The following RPF2 variants were observed in gnomAD, a reference collection of about 807,000 sequenced individuals.
RPF2 encodes the protein brix domain containing 1.
RPF2 carries 21 observed loss-of-function variants against 38.9 expected under a neutral mutation model. The observed-to-expected ratio is 0.54, with a 90% CI of 0.38 to 0.78. RPF2 has a LOEUF of 0.78. Ranked by LOEUF, RPF2 falls within the 30% of genes least tolerant of loss-of-function variation. RPF2 has a pLI of 0.00. For synonymous variants in RPF2, 121 were observed against 126.2 expected, an observed-to-expected ratio of 0.96 and a Z score of 0.28; for missense variants, 314 against 358.1, an observed-to-expected ratio of 0.88 and a Z score of 0.99.
At chr6:111,024,974 A>T (rs1409749320) in intron 9 of RPF2, among the ~76,000 whole-genome samples, 1 of 152,204 alleles carries the variant, frequency 6.6e-6, no homozygotes, top group African/African-American at 2.4e-5. Flanking sequence ...TGTGCATAAA[A>T]TGTGTTTTGA....
chr6:111,012,997 A>G (rs1583272118), intron 7 of RPF2, among the ~76,000 whole-genome samples: 1 of 152,312 alleles, frequency 6.6e-6, no homozygotes, highest in African/African-American at 2.4e-5. Flanking sequence ...GTATTATTAT[A>G]CTTTAGGTTA....
chr6:110,993,138 C>T (rs1005620175), intron 4 of RPF2, among the ~76,000 whole-genome samples: 4 of 151,980 alleles, frequency 2.6e-5, no homozygotes, highest in African/African-American at 9.7e-5. Flanking sequence ...AGAGATAGGG[C>T]TTTGCCATGT....
chr6:111,017,149 G>A (rs1308469360), intron 8 of RPF2, among the ~76,000 whole-genome samples: 1 of 152,012 alleles, frequency 6.6e-6, no homozygotes, highest in Non-Finnish European at 1.5e-5. Flanking sequence ...CTTTCCACTC[G>A]ACAAAACCGC....
At chr6:111,012,875 C>T (rs768268627) in intron 7 of RPF2, among the ~76,000 whole-genome samples, 98 of 152,044 alleles carry the variant, frequency 6.4e-4, no homozygotes, top group Non-Finnish European at 2.2e-4. Context: ...TCGCCATGTT[C>T]GCTAAGCTGG....
intron 8 of RPF2, among the ~76,000 whole-genome samples, chr6:111,018,965 C>G (rs1019283333): frequency 2.2e-4 from 33 of 152,106 alleles, no homozygotes; most frequent in Non-Finnish European, 2.1e-4. Context: ...CCTGTAATCC[C>G]AGAACTTTGG....
chr6:110,988,924 G>A, intron 2 of RPF2, 104 bp from the exon 3 acceptor site: 3 of 1,398,566 alleles, frequency 2.1e-6, no homozygotes, highest in Admixed American at 2.6e-5. Context: ...GAATAAGATT[G>A]AGGCCCCAGA....
intron 3 of RPF2, 125 bp downstream of exon 3, chr6:110,989,190 ATAT>A: frequency 1.0e-6 from 1 of 996,020 alleles, no homozygotes; most frequent in Non-Finnish European, 1.3e-6. Context: ...ACAGTTATTA[ATAT>A]TTTAATTTCT....
rs905365186 is a variant in RPF2, at chr6:111,026,407, G to T, written c.*825G>T. ...TAAAGCAATGAGGTCTTGCTGTGTT[G>T]CCCAGGCTGGACTCAAATTCCTGGG... On this transcript the variant is annotated 3_prime_UTR_variant, in exon 10 of 10. Transcript: ENST00000441448. The T allele has an allele frequency of 6.6e-6, 1 of 152,130 alleles. No individual in the cohort carries two copies. The highest frequency in any genetic ancestry group is 2.1e-4 in the South Asian group (1 of 4,822). 9.4% of individuals were successfully genotyped at this position (152,130 alleles called of 1,614,324 possible).
At chr6:110,987,441 T>C (rs1771543160) in intron 2 of RPF2, among the ~76,000 whole-genome samples, 1 of 152,200 alleles carries the variant, frequency 6.6e-6, no homozygotes, top group Non-Finnish European at 1.5e-5. Context: ...TATAGGCCCA[T>C]CCCTTTTTTG....
intron 2 of RPF2, among the ~76,000 whole-genome samples, chr6:110,988,442 T>C (rs562848321): frequency 2.0e-5 from 3 of 151,830 alleles, no homozygotes; most frequent in Non-Finnish European, 4.4e-5. Context: ...TACTTTTTTT[T>C]TTTTTTTTTC....
At chr6:110,982,178 C>T (rs759435446) in intron 1 of RPF2, 49 bp downstream of exon 1, 81 of 1,601,448 alleles carry the variant, frequency 5.1e-5, no homozygotes, top group Non-Finnish European at 6.5e-5. Flanking sequence ...TGAAAGGGTC[C>T]CGTGATGAGG....
intron 7 of RPF2, among the ~76,000 whole-genome samples, chr6:111,009,473 A>G (rs1771976114): frequency 1.3e-5 from 2 of 151,680 alleles, no homozygotes; most frequent in Admixed American, 6.6e-5. Flanking sequence ...GATTACAGGC[A>G]TGAGCCACTG....
intron 3 of RPF2, among the ~76,000 whole-genome samples, chr6:110,990,095 C>T (rs181357046): frequency 6.6e-6 from 1 of 152,028 alleles, no homozygotes; most frequent in East Asian, 1.9e-4. Flanking sequence ...TGCGCCACCA[C>T]GCCCGGCTAA....
intron 8 of RPF2, among the ~76,000 whole-genome samples, chr6:111,017,457 G>A (rs1394511957): frequency 2.0e-5 from 3 of 151,354 alleles, no homozygotes; most frequent in Admixed American, 6.6e-5. Context: ...CTTCTCAGAC[G>A]GGGCGGCTGC....
In RPF2 at chr6:110,995,602, A is replaced by G. The variant is rs561528673; in HGVS notation, c.235-1581A>G. Among the ~76,000 whole-genome samples the G allele has an allele frequency of 2.0e-5, 3 of 152,292 alleles. No individual in the cohort carries two copies. In the South Asian group the frequency reaches 6.2e-4, roughly 32 times the overall value. ...TTAATATTAAGTTAAGAGGCTTTCC[A>G]ATTGATTTCTGGACTAAAACATGTT... On this transcript the variant is annotated intron_variant, in intron 4 of 9. Coordinates refer to ENST00000441448, the MANE Select transcript of RPF2 (RefSeq NM_032194.3).
intron 2 of RPF2, among the ~76,000 whole-genome samples, chr6:110,988,050 CT>C (rs1583257938): frequency 6.6e-6 from 1 of 151,874 alleles, no homozygotes; most frequent in Non-Finnish European, 1.5e-5. Flanking sequence ...CCCATCTCCA[CT>C]CAAAATACAA....
intron 7 of RPF2, among the ~76,000 whole-genome samples, chr6:111,013,415 T>C (rs1772052948): frequency 1.3e-5 from 2 of 152,240 alleles, no homozygotes; most frequent in Admixed American, 1.3e-4. Flanking sequence ...CATTCATTAC[T>C]TGTTTGTGTT....
At chr6:111,007,591 A>T (rs1231834215) in intron 6 of RPF2, among the ~76,000 whole-genome samples, 2 of 152,136 alleles carry the variant, frequency 1.3e-5, no homozygotes, top group Non-Finnish European at 2.9e-5. Flanking sequence ...ATTCACAGAC[A>T]TCATTTTGGA....
chr6:110,990,552 A>G (rs542298889), intron 3 of RPF2, among the ~76,000 whole-genome samples: 4 of 133,150 alleles, frequency 3.0e-5, no homozygotes, highest in Admixed American at 7.5e-5. Flanking sequence ...CTGTTTGGCA[A>G]TTGGGAACCC....
Sources: allele counts gnomAD v4.1 joint callset (sites outside exome capture counted in the v4.1 genomes callset), GRCh38; gene constraint gnomAD v4.1.1; transcripts MANE v1.5; gene names NCBI Gene and HGNC (gene_info 2026-07-23, HGNC 2026-07-21).